The following NBAS variants were observed in gnomAD, a reference collection of about 807,000 sequenced individuals.
The protein encoded by NBAS is NAG/BC035112 fusion.
A neutral mutation model predicts 302.5 loss-of-function variants in NBAS; 219 were observed. That is an observed-to-expected ratio of 0.72 (90% CI 0.65 to 0.81). The LOEUF is 0.81. Among genes scored for constraint, NBAS ranks in the 30% least tolerant of loss-of-function variants. The pLI is 0.00. For missense variants in NBAS, 2,932 were observed against 2,841.6 expected (o/e 1.03, Z -0.72); for synonymous variants, 1,118 against 1,021.6 (o/e 1.09, Z -1.80).
the NBAS span, among the ~76,000 whole-genome samples, chr2:15,100,026 A>T: frequency 6.6e-6 from 1 of 152,168 alleles, no homozygotes; most frequent in East Asian, 1.9e-4. Flanking sequence ...CAGCATATTC[A>T]ATTTTATGGA....
intron 44 of NBAS, among the ~76,000 whole-genome samples, chr2:15,260,050 G>C (rs963537690): frequency 1.3e-5 from 2 of 152,186 alleles, no homozygotes; most frequent in African/African-American, 4.8e-5. Context: ...GTTTTTAAGT[G>C]ATAGCAGTAG....
the NBAS span, among the ~76,000 whole-genome samples, chr2:15,117,224 G>A: frequency 6.6e-6 from 1 of 152,166 alleles, no homozygotes; most frequent in Non-Finnish European, 1.5e-5. Flanking sequence ...CACACTGGGG[G>A]CAACATAACC....
chr2:15,527,468 T>C (rs1424624633), intron 9 of NBAS, among the ~76,000 whole-genome samples: 2 of 152,314 alleles, frequency 1.3e-5, no homozygotes, highest in African/African-American at 2.4e-5. Context: ...AGGTTGGTTG[T>C]CTGGTGGGAG....
chr2:15,287,215 A>G (rs1232373562), intron 41 of NBAS, 32 bp from the exon 42 acceptor site: 1 of 1,560,066 alleles, frequency 6.4e-7, no homozygotes, highest in Non-Finnish European at 8.8e-7. Context: ...CCAGGAAGGG[A>G]GAGAGGAGAA....
the NBAS span, among the ~76,000 whole-genome samples, chr2:15,149,284 A>G: frequency 6.6e-6 from 1 of 152,226 alleles, no homozygotes; most frequent in Non-Finnish European, 1.5e-5. Flanking sequence ...AAAATGACAC[A>G]GCAAGAAGGC....
intron 48 of NBAS, among the ~76,000 whole-genome samples, chr2:15,216,435 A>G (rs1252674909): frequency 6.6e-6 from 1 of 152,228 alleles, no homozygotes; most frequent in Non-Finnish European, 1.5e-5. Context: ...GCAGATACAC[A>G]TGGATTTGGC....
chr2:15,358,415 CAT>C (rs1283407445), intron 32 of NBAS, among the ~76,000 whole-genome samples: 1 of 151,950 alleles, frequency 6.6e-6, no homozygotes, highest in Non-Finnish European at 1.5e-5. Flanking sequence ...TGTGCGCACA[CAT>C]GTGTGCATGT....
At chr2:15,484,060 T>C (rs1680529874) in intron 12 of NBAS, among the ~76,000 whole-genome samples, 1 of 152,182 alleles carries the variant, frequency 6.6e-6, no homozygotes, top group South Asian at 2.1e-4. Flanking sequence ...TTTTCAAAGC[T>C]TGGGATTTCT....
the NBAS span, among the ~76,000 whole-genome samples, chr2:14,944,192 C>T: frequency 9.2e-5 from 14 of 152,134 alleles, no homozygotes; most frequent in East Asian, 1.9e-4. Context: ...CCCAGCTACG[C>T]GGGAGGCTGA....
intron 9 of NBAS, among the ~76,000 whole-genome samples, chr2:15,523,076 T>C (rs1029063259): frequency 6.6e-6 from 1 of 152,172 alleles, no homozygotes; most frequent in Non-Finnish European, 1.5e-5. Context: ...AATTCAACTT[T>C]TTCTTGTCAT....
chr2:14,856,400 C>T, the NBAS span, among the ~76,000 whole-genome samples: 1 of 152,138 alleles, frequency 6.6e-6, no homozygotes, highest in Non-Finnish European at 1.5e-5. Context: ...CAAAGATCAT[C>T]TATTAGCATC....
Position 15,560,940 on chromosome 2 carries a change from C to T in NBAS, c.117+248G>A, listed in dbSNP as rs531683103. 7.2e-5 allele frequency among the ~76,000 whole-genome samples: 11 copies of T among 152,232 alleles called. 1 individual carries two copies. In the South Asian group the frequency reaches 1.5e-3, roughly 20 times the overall value. ...AGAACCAAAGTGGGATCGTACGCTC[C>T]CCAGAGCACGAAGTTCCAGCCCCCA... On this transcript the variant is annotated intron_variant, in intron 1 of 51. Coordinates refer to ENST00000281513, the MANE Select transcript of NBAS (RefSeq NM_015909.4).
the NBAS span, among the ~76,000 whole-genome samples, chr2:15,126,698 C>G: frequency 6.6e-6 from 1 of 152,138 alleles, no homozygotes; most frequent in South Asian, 2.1e-4. Context: ...CAGGTGGCAG[C>G]ATTTGGAAGG....
chr2:14,915,290 A>C, the NBAS span, among the ~76,000 whole-genome samples: 1 of 152,246 alleles, frequency 6.6e-6, no homozygotes, highest in Non-Finnish European at 1.5e-5. Flanking sequence ...CAGTGCTGAA[A>C]AACAATATGG....
rs1380634373 is a variant in NBAS, at chr2:15,474,136, T to G, written c.1530A>C (p.Arg510=). 6.2e-7 allele frequency: 1 copy of G among 1,614,176 alleles called. No individual in the cohort carries two copies. Among genetic ancestry groups the G allele is most frequent in the South Asian group, 1.1e-5 (1 of 91,082 alleles). Residue 510 remains arginine, a synonymous_variant, in exon 15 of 52, where the codon CGA becomes CGC. Coordinates refer to ENST00000281513, the MANE Select transcript of NBAS (RefSeq NM_015909.4). The part of the protein sequence containing the change: ...ERFAPPRKRP[R]TITKNYRLVS... Reference sequence around the variant, plus strand: ...CAAGGCGGTAGTTTTTAGTAATGGTTCGTGGGCGTTTCCGTGGTGGTGCAA... The same window carrying G: ...CAAGGCGGTAGTTTTTAGTAATGGTGCGTGGGCGTTTCCGTGGTGGTGCAA...
chr2:14,816,676 G>A, the NBAS span, among the ~76,000 whole-genome samples: 1 of 152,330 alleles, frequency 6.6e-6, no homozygotes, highest in South Asian at 2.1e-4. Flanking sequence ...AGTCTTAGGA[G>A]CATAAGCCAC....
At chr2:14,876,227 T>G in the NBAS span, among the ~76,000 whole-genome samples, 1 of 152,222 alleles carries the variant, frequency 6.6e-6, no homozygotes, top group African/African-American at 2.4e-5. Context: ...CTTTTCAGGT[T>G]AAGAAACTAA....
At chr2:15,554,187 C>T (rs1558435309) in intron 3 of NBAS, 49 bp from the exon 4 acceptor site, 3 of 1,428,110 alleles carry the variant, frequency 2.1e-6, no homozygotes, top group Middle Eastern at 1.8e-4. Context: ...ATGAAAACCA[C>T]ATATATGCAG....
chr2:15,032,254 T>C, the NBAS span, among the ~76,000 whole-genome samples: 1 of 152,348 alleles, frequency 6.6e-6, no homozygotes, highest in African/African-American at 2.4e-5. Context: ...TGAGGTAATG[T>C]ACTGAGACTG....
Sources: allele counts gnomAD v4.1 joint callset (sites outside exome capture counted in the v4.1 genomes callset), GRCh38; gene constraint gnomAD v4.1.1; transcripts MANE v1.5; gene names NCBI Gene and HGNC (gene_info 2026-07-23, HGNC 2026-07-21).